Variants in MYOZ2 observed in about 807,000 individuals in gnomAD.
The protein encoded by MYOZ2 is myozenin 2.
Under a neutral mutation model 25.4 loss-of-function variants are expected in MYOZ2, and 19 were observed. The ratio of observed to expected loss-of-function variants is 0.75; its 90% CI spans 0.52 to 1.10. MYOZ2 has a LOEUF of 1.10. MYOZ2 is among the 50% of genes least tolerant of loss of function. MYOZ2 has a pLI of 0.00. For missense variants in MYOZ2, 270 were observed against 317.9 expected (o/e 0.85, Z 1.15); for synonymous variants, 92 against 106.9 (o/e 0.86, Z 0.86).
chr4:119,145,234 T>C (rs548795032), intron 2 of MYOZ2, among the ~76,000 whole-genome samples: 1 of 152,264 alleles, frequency 6.6e-6, no homozygotes, highest in African/African-American at 2.4e-5. Context: ...ATTCTTTTCA[T>C]ATATTGCTTA....
At chr4:119,168,710 C>A (rs11945476) in intron 5 of MYOZ2, among the ~76,000 whole-genome samples, 12,239 of 150,286 alleles carry the variant, frequency 0.081, 667 homozygotes, top group Non-Finnish European at 0.12. Flanking sequence ...ACAACAACAA[C>A]AAAAAACCAC....
At chr4:119,167,554 A>G (rs1741849586) in intron 5 of MYOZ2, among the ~76,000 whole-genome samples, 1 of 152,246 alleles carries the variant, frequency 6.6e-6, no homozygotes, top group African/African-American at 2.4e-5. Flanking sequence ...GCTACAGTAA[A>G]TAACAGATTT....
intron 5 of MYOZ2, among the ~76,000 whole-genome samples, chr4:119,177,063 A>G (rs1742090422): frequency 1.5e-5 from 1 of 68,458 alleles, no homozygotes; most frequent in South Asian, 3.7e-4. Context: ...CTCTGTCTCA[A>G]AAAAAACAAA....
intron 2 of MYOZ2, among the ~76,000 whole-genome samples, chr4:119,148,333 G>T (rs57070054): frequency 0.25 from 37,780 of 151,896 alleles, 4,994 homozygotes; most frequent in South Asian, 0.36. Context: ...AGTTATTCAG[G>T]TTTATTATGT....
intron 3 of MYOZ2, among the ~76,000 whole-genome samples, chr4:119,156,712 A>G (rs1221226555): frequency 6.6e-6 from 1 of 152,194 alleles, no homozygotes; most frequent in African/African-American, 2.4e-5. Flanking sequence ...TTTTATAAGT[A>G]TAATTTATTC....
Position 119,164,279 on chromosome 4 carries a change from C to G in MYOZ2, c.445C>G (p.Gln149Glu), listed in dbSNP as rs1177633678. The change falls in exon 5 of 6, where the codon CAA (glutamine) becomes GAA (glutamate). Residue 149 changes from glutamine (Q) to glutamate (E), a missense_variant. Gln to Glu is a conservative substitution (Grantham distance 29). Transcript: ENST00000307128. ...FNTTAVPKYY[Q>E]SPWEQAISND... ...CACCACAGCTGTCCCTAAGTACTAT[C>G]AATCTCCCTGGGAACAAGCCATTAG... 1 of 1,613,898 alleles carries G rather than the reference C, an allele frequency of 6.2e-7. No individual in the cohort carries two copies. Among genetic ancestry groups the G allele is most frequent in the Non-Finnish European group, 8.5e-7 (1 of 1,179,928 alleles).
At chr4:119,185,944 T>G in intron 5 of MYOZ2, 22 bp from the exon 6 acceptor site, 2 of 1,341,570 alleles carry the variant, frequency 1.5e-6, no homozygotes, top group East Asian at 2.4e-5. Context: ...TTGAGATCTG[T>G]TTTTTTTTTA....
chr4:119,169,710 A>G (rs910898392), intron 5 of MYOZ2, among the ~76,000 whole-genome samples: 1 of 152,216 alleles, frequency 6.6e-6, no homozygotes, highest in East Asian at 1.9e-4. Context: ...ATAGGAGTAT[A>G]GGGTCTTCCA....
intron 2 of MYOZ2, among the ~76,000 whole-genome samples, chr4:119,142,376 G>A (rs72673744): frequency 0.029 from 4,455 of 152,146 alleles, 97 homozygotes; most frequent in Non-Finnish European, 0.052. Context: ...TTGAAATATC[G>A]CATCCCCATC....
intron 5 of MYOZ2, among the ~76,000 whole-genome samples, chr4:119,168,204 C>G (rs1176671965): frequency 6.6e-6 from 1 of 152,228 alleles, no homozygotes; most frequent in East Asian, 1.9e-4. Context: ...TATCTCCTGA[C>G]CTCGTGATCT....
chr4:119,182,679 C>T (rs554664030), intron 5 of MYOZ2, among the ~76,000 whole-genome samples: 1 of 152,232 alleles, frequency 6.6e-6, no homozygotes, highest in East Asian at 1.9e-4. Flanking sequence ...GGTTTGCACT[C>T]CTATGAGAAT....
chr4:119,148,725 ATTTTTTT>A (rs202187477), intron 2 of MYOZ2, among the ~76,000 whole-genome samples: 6 of 67,134 alleles, frequency 8.9e-5, no homozygotes, highest in African/African-American at 1.3e-4. Context: ...CTCGACTGAG[ATTTTTTT>A]TTTTTTTTTT....
chr4:119,158,254 C>A (rs1741628420), intron 4 of MYOZ2, 103 bp downstream of exon 4: 2 of 1,461,162 alleles, frequency 1.4e-6, no homozygotes, highest in Non-Finnish European at 1.9e-6. Context: ...AATAATATAT[C>A]TTTTCTCATT....
intron 3 of MYOZ2, among the ~76,000 whole-genome samples, chr4:119,154,815 C>A (rs1741533072): frequency 6.6e-6 from 1 of 151,414 alleles, no homozygotes. Context: ...AAGTCCAACA[C>A]TCAAGATAGG....
intron 5 of MYOZ2, among the ~76,000 whole-genome samples, chr4:119,170,535 A>G (rs555524795): frequency 1.3e-5 from 2 of 152,250 alleles, no homozygotes; most frequent in Admixed American, 6.5e-5. Flanking sequence ...GTTATATTAA[A>G]TAATATAAAT....
chr4:119,179,915 T>C (rs893974325), intron 5 of MYOZ2, among the ~76,000 whole-genome samples: 1 of 152,232 alleles, frequency 6.6e-6, no homozygotes, highest in Non-Finnish European at 1.5e-5. Flanking sequence ...CCTCATGACT[T>C]GGTAATTTCC....
intron 5 of MYOZ2, among the ~76,000 whole-genome samples, chr4:119,166,526 A>G (rs1280268673): frequency 6.6e-6 from 1 of 151,870 alleles, no homozygotes; most frequent in Non-Finnish European, 1.5e-5. Context: ...AAAAAAAAGT[A>G]TATGCACAGG....
chr4:119,160,097 C>A (rs1578735936), intron 4 of MYOZ2, among the ~76,000 whole-genome samples: 1 of 152,118 alleles, frequency 6.6e-6, no homozygotes. Context: ...CTCTTTGGGC[C>A]CTAGTTTCCT....
At chr4:119,174,512 C>T (rs1390798892) in intron 5 of MYOZ2, among the ~76,000 whole-genome samples, 3 of 151,696 alleles carry the variant, frequency 2.0e-5, no homozygotes, top group African/African-American at 2.4e-5. Flanking sequence ...GTGCACCAAT[C>T]CACACTCTGT....
Sources: gnomAD v4.1 joint callset for allele counts (sites outside exome capture counted in the v4.1 genomes callset) on GRCh38, gnomAD v4.1.1 for gene constraint, MANE v1.5 for transcripts, NCBI Gene and HGNC (gene_info 2026-07-23, HGNC 2026-07-21) for gene names.